The following TUSC3 variants were observed in gnomAD, a reference collection of about 807,000 sequenced individuals.
The protein encoded by TUSC3 is tumor suppressor candidate 3.
Under a neutral mutation model 44.8 loss-of-function variants are expected in TUSC3, and 45 were observed. The ratio of observed to expected loss-of-function variants is 1.00; its 90% CI spans 0.79 to 1.29. The LOEUF (loss-of-function observed/expected upper bound fraction) is 1.29. Ranked by LOEUF, TUSC3 falls within the 50% of genes most tolerant of loss-of-function variation. The pLI is 0.00. For synonymous variants in TUSC3, 212 were observed against 152.9 expected, an observed-to-expected ratio of 1.39 and a Z score of -2.85; for missense variants, 519 against 437.9, an observed-to-expected ratio of 1.19 and a Z score of -1.65.
Position 15,759,875 on chromosome 8 carries a change from C to T in TUSC3, c.*46+2020C>T, listed in dbSNP as rs143444317. On this transcript the variant is annotated intron_variant, in intron 10 of 10. Coordinates refer to ENST00000503731, the MANE Select transcript of TUSC3 (RefSeq NM_006765.4). ...AATCTCTTTCTCCACCCCTTTTCCC[C>T]GACACTGTCATTGTCACAGTCACAC... 5.7e-3 allele frequency among the ~76,000 whole-genome samples: 875 copies of T among 152,188 alleles called. 6 individuals carry two copies. The highest frequency in any genetic ancestry group is 0.02 in the African/African-American group (837 of 41,516).
intron 1 of TUSC3, among the ~76,000 whole-genome samples, chr8:15,465,789 T>C (rs567205100): frequency 6.6e-6 from 1 of 152,138 alleles, no homozygotes; most frequent in East Asian, 1.9e-4. Flanking sequence ...CAACCCTATC[T>C]TTTTCTCTTA....
At chr8:15,671,302 C>A (rs1452459133) in intron 5 of TUSC3, among the ~76,000 whole-genome samples, 6 of 151,830 alleles carry the variant, frequency 4.0e-5, no homozygotes, top group Non-Finnish European at 8.8e-5. Context: ...GAATCATGCC[C>A]TTTTTTGTAT....
chr8:15,633,586 A>C (rs1226838219), intron 2 of TUSC3, among the ~76,000 whole-genome samples: 2 of 152,172 alleles, frequency 1.3e-5, no homozygotes, highest in Non-Finnish European at 2.9e-5. Flanking sequence ...AAAAGAGGGC[A>C]ATTTTTTTAC....
At chr8:15,744,555 T>C (rs1162899989) in intron 8 of TUSC3, among the ~76,000 whole-genome samples, 1 of 152,114 alleles carries the variant, frequency 6.6e-6, no homozygotes, top group African/African-American at 2.4e-5. Context: ...CATGGGTTTT[T>C]AGCTAGGGTG....
At chr8:15,516,464 A>G (rs1407229238) in intron 2 of TUSC3, among the ~76,000 whole-genome samples, 1 of 152,176 alleles carries the variant, frequency 6.6e-6, no homozygotes, top group Non-Finnish European at 1.5e-5. Context: ...TGATACATAC[A>G]TAGGTTCTTG....
At chr8:15,664,057 G>C (rs1346327798) in intron 5 of TUSC3, among the ~76,000 whole-genome samples, 3 of 151,820 alleles carry the variant, frequency 2.0e-5, no homozygotes, top group Non-Finnish European at 2.9e-5. Context: ...TTGTAAGCTA[G>C]TAATAGTTGG....
At chr8:15,712,078 G>T (rs1809875694) in intron 6 of TUSC3, among the ~76,000 whole-genome samples, 1 of 151,624 alleles carries the variant, frequency 6.6e-6, no homozygotes. Context: ...TATTTTCTAG[G>T]ATTGAATATA....
At chr8:15,533,937 T>C (rs1801484668) in intron 2 of TUSC3, among the ~76,000 whole-genome samples, 2 of 152,172 alleles carry the variant, frequency 1.3e-5, no homozygotes, top group East Asian at 1.9e-4. Context: ...GGAGGTGTCA[T>C]TTGTGGTTTA....
intron 2 of TUSC3, among the ~76,000 whole-genome samples, chr8:15,496,716 A>G (rs1289886042): frequency 6.6e-6 from 1 of 152,122 alleles, no homozygotes; most frequent in African/African-American, 2.4e-5. Flanking sequence ...ATCACCTCTA[A>G]GCAAAGGAGT....
chr8:15,633,040 G>A (rs1386199408), intron 2 of TUSC3, among the ~76,000 whole-genome samples: 1 of 152,202 alleles, frequency 6.6e-6, no homozygotes, highest in African/African-American at 2.4e-5. Context: ...TGCTGAGGTA[G>A]TATTATTGCT....
intron 2 of TUSC3, among the ~76,000 whole-genome samples, chr8:15,522,927 G>C (rs1453262298): frequency 6.6e-6 from 1 of 152,196 alleles, no homozygotes; most frequent in African/African-American, 2.4e-5. Context: ...GGAGCAGAGA[G>C]AGGCGCAGTG....
intron 2 of TUSC3, among the ~76,000 whole-genome samples, chr8:15,523,706 G>GTATATATATATATATATATA (rs1554509643): frequency 2.7e-5 from 3 of 112,844 alleles, no homozygotes; most frequent in South Asian, 3.2e-4. Flanking sequence ...GTGTGTGTGT[G>GTATATATATATATATATATA]TGTATATATA....
intron 10 of TUSC3, among the ~76,000 whole-genome samples, chr8:15,760,312 C>A (rs1812118640): frequency 6.6e-6 from 1 of 152,142 alleles, no homozygotes; most frequent in Non-Finnish European, 1.5e-5. Flanking sequence ...TTATGTAATA[C>A]ATATTTTGTA....
At chr8:15,794,388 T>C in the TUSC3 span, among the ~76,000 whole-genome samples, 1 of 152,158 alleles carries the variant, frequency 6.6e-6, no homozygotes, top group South Asian at 2.1e-4. Context: ...CATTTTTACA[T>C]ACAAAATTGA....
intron 2 of TUSC3, among the ~76,000 whole-genome samples, chr8:15,629,373 T>G (rs1408691392): frequency 6.6e-6 from 1 of 152,086 alleles, no homozygotes; most frequent in Non-Finnish European, 1.5e-5. Context: ...ATCCATATGA[T>G]AGTGGGCAGA....
rs899378541 is a variant in TUSC3 at position 15,686,762 on chromosome 8, A to G, written c.798+12926A>G. Reference sequence around the variant, plus strand: ...AAAGAGAATGTTAACATTATCCTGAAATTTTTAAACAAAAAAACCCAGCTG... The same window carrying G: ...AAAGAGAATGTTAACATTATCCTGAGATTTTTAAACAAAAAAACCCAGCTG... On this transcript the variant is annotated intron_variant, in intron 6 of 10. Coordinates refer to ENST00000503731, the MANE Select transcript of TUSC3 (RefSeq NM_006765.4). 3.3e-5 allele frequency among the ~76,000 whole-genome samples: 5 copies of G among 152,136 alleles called. No homozygotes were observed. In the South Asian group the frequency reaches 1.0e-3, roughly 32 times the overall value.
the TUSC3 span, chr8:15,806,988 A>G: frequency 2.1e-6 from 3 of 1,461,432 alleles, no homozygotes; most frequent in South Asian, 3.4e-5. Context: ...TTCTGATTCC[A>G]TTCTTTACAT....
intron 10 of TUSC3, among the ~76,000 whole-genome samples, chr8:15,761,662 C>T (rs1418646756): frequency 6.6e-6 from 1 of 152,212 alleles, no homozygotes; most frequent in Admixed American, 6.5e-5. Flanking sequence ...GAGCGTGGAG[C>T]AGAGTCCACA....
At chr8:15,795,611 G>T in the TUSC3 span, among the ~76,000 whole-genome samples, 3 of 152,190 alleles carry the variant, frequency 2.0e-5, no homozygotes, top group African/African-American at 7.2e-5. Context: ...TTCAAGAAGA[G>T]AGTAAAAAAT....
Sources: gnomAD v4.1 joint callset for allele counts (sites outside exome capture counted in the v4.1 genomes callset) on GRCh38, gnomAD v4.1.1 for gene constraint, MANE v1.5 for transcripts, NCBI Gene and HGNC (gene_info 2026-07-23, HGNC 2026-07-21) for gene names.